AFG2A: variants seen among roughly 807,000 people sequenced by gnomAD.
AFG2A encodes AAA ATPase AFG2A.
At chr4:123,274,937 T>G in the AFG2A span, among the ~76,000 whole-genome samples, 1 of 152,166 alleles carries the variant, frequency 6.6e-6, no homozygotes, top group Non-Finnish European at 1.5e-5. Context: ...ATACACTACA[T>G]GATTCAGCTG....
At chr4:123,138,018 A>G in the AFG2A span, among the ~76,000 whole-genome samples, 22 of 152,308 alleles carry the variant, frequency 1.4e-4, no homozygotes, top group African/African-American at 5.3e-4. Flanking sequence ...GCCACAAAGG[A>G]CAACATTAAG....
chr4:122,994,109 C>T, the AFG2A span, among the ~76,000 whole-genome samples: 1 of 151,864 alleles, frequency 6.6e-6, no homozygotes, highest in Non-Finnish European at 1.5e-5. Flanking sequence ...TCTTCTTTAC[C>T]AAAGTACAAT....
the AFG2A span, among the ~76,000 whole-genome samples, chr4:123,114,294 C>T: frequency 3.3e-5 from 5 of 152,154 alleles, no homozygotes; most frequent in Non-Finnish European, 5.9e-5. Flanking sequence ...TTCAGGCCTG[C>T]CCTGTTCTGA....
At chr4:123,155,600 A>C in the AFG2A span, among the ~76,000 whole-genome samples, 1 of 135,022 alleles carries the variant, frequency 7.4e-6, no homozygotes, top group African/African-American at 2.7e-5. Flanking sequence ...ACAATACAGC[A>C]TTTTCAAAAT....
the AFG2A span, among the ~76,000 whole-genome samples, chr4:123,175,539 G>A: frequency 3.9e-5 from 6 of 152,218 alleles, no homozygotes; most frequent in Admixed American, 3.9e-4. Context: ...ATGCACTGCT[G>A]GTTGAAATGC....
the AFG2A span, among the ~76,000 whole-genome samples, chr4:123,105,839 C>A: frequency 2.0e-5 from 3 of 152,178 alleles, no homozygotes; most frequent in African/African-American, 4.8e-5. Context: ...AAAGTGATTT[C>A]TTGAGATGGA....
the AFG2A span, among the ~76,000 whole-genome samples, chr4:123,298,583 T>C: frequency 6.6e-6 from 1 of 152,232 alleles, no homozygotes; most frequent in Non-Finnish European, 1.5e-5. Flanking sequence ...GAATTTAGTC[T>C]ACCTTGCTCA....
At chr4:122,983,550 C>T in the AFG2A span, among the ~76,000 whole-genome samples, 2 of 151,766 alleles carry the variant, frequency 1.3e-5, no homozygotes, top group South Asian at 4.2e-4. Context: ...CTTTTGATTT[C>T]ATCTTTGACC....
At chr4:122,971,458 A>G in the AFG2A span, among the ~76,000 whole-genome samples, 1 of 152,162 alleles carries the variant, frequency 6.6e-6, no homozygotes, top group Admixed American at 6.5e-5. Flanking sequence ...AGTTCTTTTG[A>G]GTTTTTTATC....
At chr4:123,048,050 T>C in the AFG2A span, among the ~76,000 whole-genome samples, 1,842 of 152,240 alleles carry the variant, frequency 0.012, 43 homozygotes, top group African/African-American at 0.041. Flanking sequence ...TGGTGAAAAA[T>C]GTGGATTTAG....
chr4:123,312,233 A>G, the AFG2A span, among the ~76,000 whole-genome samples: 2 of 152,010 alleles, frequency 1.3e-5, no homozygotes, highest in African/African-American at 4.8e-5. Context: ...AATGTTCCCA[A>G]CCATTATGTG....
At chr4:122,991,177 TG>T in the AFG2A span, among the ~76,000 whole-genome samples, 1 of 152,214 alleles carries the variant, frequency 6.6e-6, no homozygotes, top group Admixed American at 6.5e-5. Context: ...TGTGCAGTTT[TG>T]TACTCCTATG....
At chr4:123,116,630 C>T in the AFG2A span, among the ~76,000 whole-genome samples, 2 of 152,136 alleles carry the variant, frequency 1.3e-5, no homozygotes, top group Non-Finnish European at 2.9e-5. Flanking sequence ...TTCCAAATAG[C>T]TACATTGATG....
chr4:122,956,865 A>C, the AFG2A span, among the ~76,000 whole-genome samples: 112 of 152,328 alleles, frequency 7.4e-4, no homozygotes, highest in African/African-American at 2.3e-3. Context: ...AGCAGAATAA[A>C]ATTTGAAAAC....
chr4:123,187,991 C>T, the AFG2A span, among the ~76,000 whole-genome samples: 5 of 105,710 alleles, frequency 4.7e-5, no homozygotes, highest in Non-Finnish European at 9.2e-5. Flanking sequence ...GAGTGAGGCC[C>T]TATCTCAAAA....
chr4:123,011,894 C>A, the AFG2A span, among the ~76,000 whole-genome samples: 1 of 122,138 alleles, frequency 8.2e-6, no homozygotes, highest in Non-Finnish European at 1.6e-5. Context: ...GGTAGAGACA[C>A]AGAGAGAAGG....
chr4:123,140,048 A>G, the AFG2A span, among the ~76,000 whole-genome samples: 1 of 152,066 alleles, frequency 6.6e-6, no homozygotes, highest in Non-Finnish European at 1.5e-5. Flanking sequence ...TTGGTATACC[A>G]TAGTTCTTGA....
chr4:123,076,972 GT>G, the AFG2A span, among the ~76,000 whole-genome samples: 3,180 of 150,004 alleles, frequency 0.021, 60 homozygotes, highest in Non-Finnish European at 0.035. Flanking sequence ...GTGTGTGTGT[GT>G]GTGGTGGTGG....
At chr4:123,138,266 C>G in the AFG2A span, among the ~76,000 whole-genome samples, 92,594 of 151,964 alleles carry the variant, frequency 0.61, 33,059 homozygotes, top group East Asian at 0.97. Flanking sequence ...AGCTAAGTGG[C>G]AGAGCTGCAA....
Sources: allele counts gnomAD v4.1 joint callset (sites outside exome capture counted in the v4.1 genomes callset), GRCh38; gene constraint gnomAD v4.1.1; transcripts MANE v1.5; gene names NCBI Gene and HGNC (gene_info 2026-07-23, HGNC 2026-07-21).